NR2F1-AS1: variants seen among roughly 807,000 people sequenced by gnomAD.
NR2F1-AS1 encodes NR2F1 antisense RNA 1.
At chr5:93,447,424 C>A (rs527323035) in intron 4 of NR2F1-AS1, among the ~76,000 whole-genome samples, 2 of 152,180 alleles carry the variant, frequency 1.3e-5, no homozygotes, top group African/African-American at 4.8e-5. Context: ...CAAAAGAAGA[C>A]ATTTATGCAG....
intron 4 of NR2F1-AS1, among the ~76,000 whole-genome samples, chr5:93,523,135 C>T (rs1167273518): frequency 6.6e-6 from 1 of 152,134 alleles, no homozygotes; most frequent in Non-Finnish European, 1.5e-5. Flanking sequence ...AGTATGAAGT[C>T]GACCTGGGAT....
intron 4 of NR2F1-AS1, among the ~76,000 whole-genome samples, chr5:93,515,491 T>A (rs1751382468): frequency 6.6e-6 from 1 of 151,996 alleles, no homozygotes; most frequent in Admixed American, 6.6e-5. Flanking sequence ...TGTTTATGGC[T>A]GTTTTAATTT....
intron 2 of NR2F1-AS1, among the ~76,000 whole-genome samples, chr5:93,557,034 A>T (rs780308380): frequency 3.3e-5 from 5 of 152,236 alleles, no homozygotes; most frequent in Non-Finnish European, 5.9e-5. Context: ...TTTAATAGCT[A>T]AGCCAATCTA....
intron 4 of NR2F1-AS1, among the ~76,000 whole-genome samples, chr5:93,502,899 G>T (rs753391115): frequency 1.4e-4 from 22 of 152,260 alleles, no homozygotes; most frequent in Non-Finnish European, 2.9e-4. Flanking sequence ...TAGTATGCCT[G>T]CATTTATCTA....
At position 93,554,325 on chromosome 5, in the gene NR2F1-AS1, G is replaced by A. The variant is rs545526692; in HGVS notation, n.536-462C>T. On this transcript the variant is annotated intron_variant and non_coding_transcript_variant, in intron 3 of 5. Transcript: ENST00000660523. ...ATATGACTACAGCCAAAATTACTTT[G>A]ACATTTCCTAGAATTCTGAAAAACA... is the stretch of plus-strand genomic sequence containing the variant. 2.6e-5 allele frequency among the ~76,000 whole-genome samples: 4 copies of A among 152,098 alleles called. No individual in the cohort carries two copies. In the East Asian group the frequency reaches 7.7e-4, roughly 29 times the overall value.
intron 4 of NR2F1-AS1, among the ~76,000 whole-genome samples, chr5:93,484,778 CAAA>C (rs61083284): frequency 1.2e-3 from 102 of 84,290 alleles, no homozygotes; most frequent in Middle Eastern, 6.3e-3. Flanking sequence ...AAATGGAAAG[CAAA>C]AAAAAAAAAA....
intron 4 of NR2F1-AS1, among the ~76,000 whole-genome samples, chr5:93,503,465 TAATCCCA>T (rs920201014): frequency 2.0e-5 from 3 of 152,208 alleles, no homozygotes; most frequent in African/African-American, 7.2e-5. Context: ...AAAACTTCTA[TAATCCCA>T]AATTCGAAAT....
chr5:93,490,300 A>G (rs1472003337), intron 4 of NR2F1-AS1, among the ~76,000 whole-genome samples: 1 of 152,252 alleles, frequency 6.6e-6, no homozygotes, highest in Non-Finnish European at 1.5e-5. Flanking sequence ...TTTCATTAAG[A>G]AGTTCAGTAA....
intron 4 of NR2F1-AS1, among the ~76,000 whole-genome samples, chr5:93,523,073 G>T (rs895451240): frequency 2.0e-5 from 3 of 152,110 alleles, no homozygotes; most frequent in African/African-American, 4.8e-5. Flanking sequence ...CTCCCATGGA[G>T]CCCAGCAAGC....
Position 93,519,634 on chromosome 5 carries a change from TA to T in NR2F1-AS1, n.638+34126del, listed in dbSNP as rs1751464490. On this transcript the variant is annotated intron_variant and non_coding_transcript_variant, in intron 4 of 5. Coordinates refer to ENST00000660523, the Ensembl canonical transcript of NR2F1-AS1. Reference sequence around the variant, plus strand: ...CCAAAGGATATTTCCAAAGGACCTCTAAAACAATGCTTCTATTTAGACATGC... The same window carrying T: ...CCAAAGGATATTTCCAAAGGACCTCTAAACAATGCTTCTATTTAGACATGC... Among the ~76,000 whole-genome samples the T allele has an allele frequency of 2.6e-5, 4 of 152,116 alleles. 1 individual carries two copies. In the East Asian group the frequency reaches 7.7e-4, roughly 29 times the overall value.
At chr5:93,528,034 G>C (rs1751658566) in intron 4 of NR2F1-AS1, among the ~76,000 whole-genome samples, 1 of 152,158 alleles carries the variant, frequency 6.6e-6, no homozygotes, top group Non-Finnish European at 1.5e-5. Flanking sequence ...CACAGCAAAA[G>C]AAACTATCAT....
intron 4 of NR2F1-AS1, among the ~76,000 whole-genome samples, chr5:93,552,898 T>A (rs1164277429): frequency 6.6e-6 from 1 of 152,090 alleles, no homozygotes; most frequent in Non-Finnish European, 1.5e-5. Flanking sequence ...CAAAATGAAG[T>A]TATGATTATT....
At chr5:93,515,066 A>G (rs1374169696) in intron 4 of NR2F1-AS1, among the ~76,000 whole-genome samples, 2 of 151,970 alleles carry the variant, frequency 1.3e-5, no homozygotes, top group Non-Finnish European at 1.5e-5. Flanking sequence ...TAGTTCCCAA[A>G]GTCATATTTT....
chr5:93,556,357 C>A (rs1752355466), intron 2 of NR2F1-AS1, among the ~76,000 whole-genome samples: 2 of 152,122 alleles, frequency 1.3e-5, no homozygotes, highest in African/African-American at 4.8e-5. Flanking sequence ...ATACATGACC[C>A]ATTTATGGAC....
intron 1 of NR2F1-AS1, among the ~76,000 whole-genome samples, chr5:93,574,684 T>C (rs1379319691): frequency 1.3e-5 from 2 of 151,774 alleles, no homozygotes; most frequent in Non-Finnish European, 3.0e-5. Flanking sequence ...CTTTGTTTGA[T>C]TTTTTTCCCC....
intron 4 of NR2F1-AS1, among the ~76,000 whole-genome samples, chr5:93,528,956 T>C (rs1437261299): frequency 3.3e-5 from 5 of 151,956 alleles, no homozygotes; most frequent in Admixed American, 3.3e-4. Flanking sequence ...AGATGATGGG[T>C]TGATGGGTGC....
intron 4 of NR2F1-AS1, among the ~76,000 whole-genome samples, chr5:93,490,269 CTAAT>C (rs1358056828): frequency 1.3e-5 from 2 of 152,184 alleles, no homozygotes; most frequent in African/African-American, 4.8e-5. Flanking sequence ...TGAGCTTTCC[CTAAT>C]TAGACAGACT....
chr5:93,559,788 C>T (rs931388457), intron 2 of NR2F1-AS1, among the ~76,000 whole-genome samples: 3 of 152,162 alleles, frequency 2.0e-5, no homozygotes, highest in Admixed American at 6.5e-5. Context: ...CTGTCTTCAA[C>T]GGGCTCAATT....
chr5:93,417,659 G>A (rs1399854000), intron 4 of NR2F1-AS1, among the ~76,000 whole-genome samples: 1 of 152,164 alleles, frequency 6.6e-6, no homozygotes, highest in African/African-American at 2.4e-5. Flanking sequence ...TTCTTTTCAC[G>A]GTGTTGTGTA....
Sources: allele counts gnomAD v4.1 joint callset (sites outside exome capture counted in the v4.1 genomes callset), GRCh38; gene constraint gnomAD v4.1.1; transcripts MANE v1.5; gene names NCBI Gene and HGNC (gene_info 2026-07-23, HGNC 2026-07-21).